JHY: variants seen among roughly 807,000 people sequenced by gnomAD.
JHY encodes the protein jhy protein homolog.
JHY carries 69 observed loss-of-function variants against 78.0 expected under a neutral mutation model. The ratio of observed to expected loss-of-function variants is 0.88; its 90% confidence interval spans 0.73 to 1.08. JHY has a LOEUF of 1.08. JHY is among the 50% of genes least tolerant of loss of function. The pLI is 0.00. For missense variants in JHY, 944 were observed against 927.8 expected (o/e 1.02, Z -0.23); for synonymous variants, 368 against 342.6 (o/e 1.07, Z -0.82).
intron 3 of JHY, among the ~76,000 whole-genome samples, chr11:122,924,692 G>A (rs1049740045): frequency 2.0e-5 from 3 of 152,032 alleles, no homozygotes; most frequent in African/African-American, 4.8e-5. Flanking sequence ...TTTTCTCTTC[G>A]TGTCTGCAAG....
intron 3 of JHY, among the ~76,000 whole-genome samples, chr11:122,913,782 G>C (rs1309206873): frequency 6.6e-6 from 1 of 152,160 alleles, no homozygotes; most frequent in Non-Finnish European, 1.5e-5. Context: ...ATCATGTAAA[G>C]ATGACTGTCT....
chr11:122,892,643 T>C (rs957607804), intron 2 of JHY, among the ~76,000 whole-genome samples: 2 of 152,122 alleles, frequency 1.3e-5, no homozygotes, highest in African/African-American at 2.4e-5. Context: ...TTTTTATTGT[T>C]GTATATAATT....
At chr11:122,926,187 CAA>C (rs574945272) in intron 4 of JHY, among the ~76,000 whole-genome samples, 3 of 40,072 alleles carry the variant, frequency 7.5e-5, no homozygotes, top group Non-Finnish European at 1.1e-4. Flanking sequence ...GACTCCATCT[CAA>C]AAAAAAAAAA....
At chr11:122,920,749 T>G (rs1863344511) in intron 3 of JHY, among the ~76,000 whole-genome samples, 1 of 152,234 alleles carries the variant, frequency 6.6e-6, no homozygotes, top group Admixed American at 6.5e-5. Context: ...CGCTCTGCTC[T>G]GCGCCTTACC....
At position 122,882,847 on chromosome 11, in the gene JHY, C is replaced by G. The variant is rs570335092; in HGVS notation, c.-215C>G. ...GGGTCCTGCCCCGCCCATGTGGCGCCGGCGTCTGTGTTGTCTGCGGTCTCC... is the reference window on the plus strand; with the variant it reads ...GGGTCCTGCCCCGCCCATGTGGCGCGGGCGTCTGTGTTGTCTGCGGTCTCC... On this transcript the variant is annotated 5_prime_UTR_variant, in exon 1 of 9. Coordinates refer to ENST00000227349, the MANE Select transcript of JHY (RefSeq NM_024806.4). 2 of 152,924 alleles carry G rather than the reference C, an allele frequency of 1.3e-5. No individual in the cohort carries two copies. Among genetic ancestry groups the G allele is most frequent in the South Asian group, 1.8e-4 (1 of 5,680 alleles). The allele number at this position is 152,924 out of a possible 1,614,324, so 9.5% of individuals were successfully genotyped here.
chr11:122,948,277 C>G (rs937362699), intron 6 of JHY, among the ~76,000 whole-genome samples: 4 of 151,732 alleles, frequency 2.6e-5, no homozygotes, highest in Non-Finnish European at 4.4e-5. Flanking sequence ...AACTCCGTCT[C>G]TACTAAAATA....
At chr11:122,897,256 G>T (rs147448328) in intron 2 of JHY, among the ~76,000 whole-genome samples, 1 of 151,712 alleles carries the variant, frequency 6.6e-6, no homozygotes, top group Admixed American at 6.6e-5. Context: ...ATAGGGTGTC[G>T]CTGTGTTGCC....
chr11:122,923,169 A>C (rs1863413127), intron 3 of JHY, among the ~76,000 whole-genome samples: 1 of 152,342 alleles, frequency 6.6e-6, no homozygotes, highest in East Asian at 1.9e-4. Flanking sequence ...TGTCTGAAGA[A>C]GGAGTTAGTC....
intron 5 of JHY, among the ~76,000 whole-genome samples, chr11:122,938,650 A>G (rs1863807417): frequency 6.6e-6 from 1 of 151,954 alleles, no homozygotes. Flanking sequence ...CTTCCACCTT[A>G]GGGCTTGTGT....
intron 3 of JHY, among the ~76,000 whole-genome samples, chr11:122,920,675 C>A (rs554565383): frequency 6.6e-6 from 1 of 152,234 alleles, no homozygotes; most frequent in South Asian, 2.1e-4. Flanking sequence ...ACCTACAAAC[C>A]CTCACTTCAA....
At chr11:122,932,100 C>T (rs1196087920) in intron 4 of JHY, among the ~76,000 whole-genome samples, 3 of 152,162 alleles carry the variant, frequency 2.0e-5, no homozygotes, top group Non-Finnish European at 2.9e-5. Context: ...GAGATTAAAT[C>T]GTCTGAGAAT....
chr11:122,916,878 C>T (rs775532532), intron 3 of JHY, among the ~76,000 whole-genome samples: 25 of 152,232 alleles, frequency 1.6e-4, no homozygotes, highest in Middle Eastern at 6.8e-3. Context: ...GATGCTCCCA[C>T]GTCAGCCTCC....
chr11:122,938,684 A>T (rs138597310), intron 5 of JHY, among the ~76,000 whole-genome samples: 2 of 152,184 alleles, frequency 1.3e-5, no homozygotes, highest in East Asian at 3.9e-4. Flanking sequence ...ATTCTTGATC[A>T]TCTTCTCATG....
intron 3 of JHY, among the ~76,000 whole-genome samples, chr11:122,920,128 G>A (rs1863330335): frequency 6.6e-6 from 1 of 152,140 alleles, no homozygotes; most frequent in Non-Finnish European, 1.5e-5. Flanking sequence ...GGCGTGAGCA[G>A]GTGTGAATCG....
chr11:122,956,497 A>C lies in JHY; in HGVS notation c.1931A>C (p.Asn644Thr), dbSNP rs140506777. 2 of 1,613,290 alleles carry C rather than the reference A, an allele frequency of 1.2e-6. No homozygotes were observed. The highest frequency in any genetic ancestry group is 8.5e-7 in the Non-Finnish European group (1 of 1,179,484). The change falls in exon 7 of 9, where the codon AAC becomes ACC. Residue 644 changes from asparagine (N) to threonine (T), a missense_variant and splice_region_variant. By Grantham distance (65) the Asn-to-Thr change is moderately conservative. Transcript: ENST00000227349. The part of the protein sequence containing the change: ...KKHKKRSSSK[N>T]TKLKGYQKRD... ...CTGTTTCTGTGGTTGTATTTTTAGA[A>C]CACCAAGCTGAAAGGTTATCAGAAA...
At chr11:122,953,335 G>A (rs138860003) in intron 6 of JHY, among the ~76,000 whole-genome samples, 4,695 of 152,144 alleles carry the variant, frequency 0.031, 121 homozygotes, top group East Asian at 0.11. Flanking sequence ...GGGCACAGTG[G>A]CTCACCCCTG....
intron 4 of JHY, among the ~76,000 whole-genome samples, chr11:122,926,283 G>GAGTC (rs59462208): frequency 6.6e-6 from 1 of 151,676 alleles, no homozygotes; most frequent in Non-Finnish European, 1.5e-5. Flanking sequence ...CGTGTATGTG[G>GAGTC]ACCCTTGGAC....
chr11:122,954,991 A>G (rs781481246), intron 6 of JHY, among the ~76,000 whole-genome samples: 5 of 152,198 alleles, frequency 3.3e-5, no homozygotes, highest in Non-Finnish European at 5.9e-5. Flanking sequence ...CTGTCATCCA[A>G]CCACCTCTTT....
At chr11:122,892,203 C>G (rs544204229) in intron 2 of JHY, among the ~76,000 whole-genome samples, 1 of 151,606 alleles carries the variant, frequency 6.6e-6, no homozygotes, top group Admixed American at 6.6e-5. Context: ...CATATTCTGT[C>G]TAAGAAACCA....
Sources: allele counts gnomAD v4.1 joint callset (sites outside exome capture counted in the v4.1 genomes callset), GRCh38; gene constraint gnomAD v4.1.1; transcripts MANE v1.5; gene names NCBI Gene and HGNC (gene_info 2026-07-23, HGNC 2026-07-21).